CREB5: variants seen among roughly 807,000 people sequenced by gnomAD.
The protein encoded by CREB5 is cAMP responsive element binding protein 5.
A neutral mutation model predicts 57.1 loss-of-function variants in CREB5; 19 were observed. The observed-to-expected ratio is 0.33, with a 90% CI of 0.23 to 0.49. The LOEUF (loss-of-function observed/expected upper bound fraction) is 0.49, where lower values mean the gene tolerates loss of function less well. Ranked by LOEUF, CREB5 falls within the 20% of genes least tolerant of loss-of-function variation. CREB5 has a pLI of 0.99. For missense variants in CREB5, 579 were observed against 671.6 expected, an observed-to-expected ratio of 0.86 and a Z score of 1.52; for synonymous variants, 238 against 238.3, an observed-to-expected ratio of 1.00 and a Z score of 0.01.
chr7:28,560,873 C>CGTGCGTGTGT (rs1219079270), intron 4 of CREB5, among the ~76,000 whole-genome samples: 1 of 22,100 alleles, frequency 4.5e-5, no homozygotes, highest in Non-Finnish European at 7.3e-5. Context: ...TGCCTGCGTG[C>CGTGCGTGTGT]GCGTGCGTGC....
At chr7:28,462,459 A>G (rs1478639482) in intron 1 of CREB5, among the ~76,000 whole-genome samples, 1 of 152,156 alleles carries the variant, frequency 6.6e-6, no homozygotes, top group African/African-American at 2.4e-5. Flanking sequence ...TGGCTGGGTC[A>G]TTTGGTAACT....
chr7:28,633,649 G>A (rs1798291956), intron 5 of CREB5, among the ~76,000 whole-genome samples: 1 of 152,150 alleles, frequency 6.6e-6, no homozygotes, highest in Admixed American at 6.5e-5. Context: ...TTGATTGGCT[G>A]GTTACTTTGT....
chr7:28,301,495 G>T (rs1785097806), intron 1 of CREB5, among the ~76,000 whole-genome samples: 2 of 152,216 alleles, frequency 1.3e-5, no homozygotes, highest in African/African-American at 4.8e-5. Context: ...CAAACTCTGA[G>T]GTGCTGATGT....
At chr7:28,761,294 G>A (rs1012731797) in intron 7 of CREB5, among the ~76,000 whole-genome samples, 3 of 152,304 alleles carry the variant, frequency 2.0e-5, no homozygotes, top group South Asian at 4.1e-4. Context: ...GCTCACCAGC[G>A]ATGGACCCTT....
intron 5 of CREB5, among the ~76,000 whole-genome samples, chr7:28,628,417 C>T (rs1182233413): frequency 1.3e-5 from 2 of 152,142 alleles, no homozygotes; most frequent in African/African-American, 4.8e-5. Context: ...GAAGGCTTAG[C>T]ATCTGTCAGT....
chr7:28,322,915 A>G (rs1278594966), intron 1 of CREB5, among the ~76,000 whole-genome samples: 1 of 151,930 alleles, frequency 6.6e-6, no homozygotes, highest in Non-Finnish European at 1.5e-5. Context: ...CCCTCCAATG[A>G]TCATTTTCTA....
chr7:28,435,779 T>C (rs1040577962), intron 1 of CREB5: 2 of 554,906 alleles, frequency 3.6e-6, no homozygotes, highest in African/African-American at 4.1e-5. Context: ...TGCTCTGGTA[T>C]GAAACCACAT....
At position 28,592,721 on chromosome 7, in the gene CREB5, A is replaced by G. The variant is rs369518992; in HGVS notation, c.464+22184A>G. On this transcript the variant is annotated intron_variant, in intron 5 of 10. Transcript: ENST00000357727. Reference sequence around the variant, plus strand: ...CGTGGCCTGTTCTTCCCAAATGTCTACAAAAGGGTCACCAAGAAGTGAGAG... The same window carrying G: ...CGTGGCCTGTTCTTCCCAAATGTCTGCAAAAGGGTCACCAAGAAGTGAGAG... Among the ~76,000 whole-genome samples the G allele has an allele frequency of 3.3e-4, 50 of 152,308 alleles. No homozygotes were observed. In the East Asian group the frequency reaches 9.1e-3, roughly 28 times the overall value.
chr7:28,604,689 A>T (rs1797044292), intron 5 of CREB5, among the ~76,000 whole-genome samples: 1 of 151,836 alleles, frequency 6.6e-6, no homozygotes, highest in Non-Finnish European at 1.5e-5. Flanking sequence ...TTTCTTCTTG[A>T]TGTATATCAT....
intron 5 of CREB5, among the ~76,000 whole-genome samples, chr7:28,640,181 G>T (rs888209663): frequency 6.6e-6 from 1 of 152,088 alleles, no homozygotes; most frequent in African/African-American, 2.4e-5. Context: ...AATAAAGCAA[G>T]AGCCTCAGCC....
chr7:28,609,688 G>A (rs1797311141), intron 5 of CREB5, among the ~76,000 whole-genome samples: 1 of 152,204 alleles, frequency 6.6e-6, no homozygotes, highest in Non-Finnish European at 1.5e-5. Context: ...GATGCACCAG[G>A]TGCATGGAGG....
At chr7:28,460,370 TATAC>T (rs1164492755) in intron 1 of CREB5, among the ~76,000 whole-genome samples, 2 of 152,172 alleles carry the variant, frequency 1.3e-5, no homozygotes, top group Non-Finnish European at 2.9e-5. Context: ...AACCCAATGA[TATAC>T]ATGCTAGTGC....
At chr7:28,668,185 A>G (rs1182090005) in intron 5 of CREB5, among the ~76,000 whole-genome samples, 2 of 152,200 alleles carry the variant, frequency 1.3e-5, no homozygotes, top group Non-Finnish European at 2.9e-5. Flanking sequence ...TTCCCTTCCC[A>G]GGTCTAATGC....
rs112201672 is a variant in CREB5, at chr7:28,570,628, T to C, written c.464+91T>C. The C allele has an allele frequency of 1.5e-5, 22 of 1,426,112 alleles. No individual in the cohort carries two copies. In the African/African-American group the frequency reaches 2.7e-4, roughly 18 times the overall value. The allele number at this position is 1,426,112 out of a possible 1,614,324, so 88.3% of individuals were successfully genotyped here. A position where few individuals can be genotyped will look rare whatever the true frequency, so the allele number is the denominator to read the frequency against. On this transcript the variant is annotated intron_variant, in intron 5 of 10. Transcript: ENST00000357727. ...CCTGGTTTCTGGTGCTCAGATTGGTTGGTTTTTCTGGCTGTCATGATATTG... is the reference window on the plus strand; with the variant it reads ...CCTGGTTTCTGGTGCTCAGATTGGTCGGTTTTTCTGGCTGTCATGATATTG...
chr7:28,594,045 C>T (rs1796615520), intron 5 of CREB5, among the ~76,000 whole-genome samples: 1 of 152,176 alleles, frequency 6.6e-6, no homozygotes, highest in South Asian at 2.1e-4. Context: ...CTTCTGCAGG[C>T]AAAGCCAAGT....
At chr7:28,351,653 G>A (rs1195398967) in intron 1 of CREB5, among the ~76,000 whole-genome samples, 1 of 152,004 alleles carries the variant, frequency 6.6e-6, no homozygotes, top group African/African-American at 2.4e-5. Context: ...ATAATACAGT[G>A]TGTACATGGC....
At chr7:28,684,643 G>A (rs902930065) in intron 5 of CREB5, among the ~76,000 whole-genome samples, 2 of 152,116 alleles carry the variant, frequency 1.3e-5, no homozygotes, top group African/African-American at 4.8e-5. Context: ...GCTTTGCAAC[G>A]TGCAGAGACA....
At chr7:28,532,516 C>G (rs1217024812) in intron 4 of CREB5, among the ~76,000 whole-genome samples, 1 of 152,232 alleles carries the variant, frequency 6.6e-6, no homozygotes, top group African/African-American at 2.4e-5. Flanking sequence ...ACTTTGTGAA[C>G]AGTGTCATCG....
intron 1 of CREB5, among the ~76,000 whole-genome samples, chr7:28,417,790 A>C (rs1054145995): frequency 6.6e-6 from 1 of 152,248 alleles, no homozygotes; most frequent in African/African-American, 2.4e-5. Flanking sequence ...TGTTACAAGC[A>C]TGCTGCACCC....
Sources: gnomAD v4.1 joint callset for allele counts (sites outside exome capture counted in the v4.1 genomes callset) on GRCh38, gnomAD v4.1.1 for gene constraint, MANE v1.5 for transcripts, NCBI Gene and HGNC (gene_info 2026-07-23, HGNC 2026-07-21) for gene names.